The following ZBTB46 variants were observed in gnomAD, a reference collection of about 807,000 sequenced individuals.
ZBTB46 encodes the protein zinc finger and BTB domain containing 46.
A neutral mutation model predicts 44.1 loss-of-function variants in ZBTB46; 8 were observed. That is an observed-to-expected ratio of 0.18 (90% confidence interval 0.11 to 0.33). The LOEUF (loss-of-function observed/expected upper bound fraction) is 0.33, where lower values mean the gene tolerates loss of function less well. ZBTB46 is among the 10% of genes least tolerant of loss of function. The pLI, the probability that ZBTB46 is intolerant of heterozygous loss-of-function variation, is 1.00. For synonymous variants in ZBTB46, 409 were observed against 382.3 expected (o/e 1.07, Z -0.81); for missense variants, 651 against 847.7 (o/e 0.77, Z 2.88).
At chr20:63,789,451 G>A (rs1475560684) in intron 2 of ZBTB46, among the ~76,000 whole-genome samples, 1 of 152,224 alleles carries the variant, frequency 6.6e-6, no homozygotes, top group African/African-American at 2.4e-5. Context: ...CCACAGGCCA[G>A]GGGAAGCCGA....
intron 1 of ZBTB46, among the ~76,000 whole-genome samples, chr20:63,817,830 G>C (rs1278690766): frequency 6.6e-6 from 1 of 152,160 alleles, no homozygotes; most frequent in Non-Finnish European, 1.5e-5. Flanking sequence ...TAAGCCAAGA[G>C]GCACCAGGGA....
intron 4 of ZBTB46, among the ~76,000 whole-genome samples, chr20:63,751,450 G>A (rs1256710570): frequency 6.6e-6 from 1 of 152,102 alleles, no homozygotes; most frequent in Non-Finnish European, 1.5e-5. Flanking sequence ...GTGGCCCTTC[G>A]CCCACAGCCG....
chr20:63,780,574 G>A (rs575078753), intron 2 of ZBTB46, among the ~76,000 whole-genome samples: 3 of 151,956 alleles, frequency 2.0e-5, no homozygotes, highest in East Asian at 1.9e-4. Flanking sequence ...AGGCTGAGGC[G>A]GGCGGATCAC....
chr20:63,805,129 C>G (rs2092673286), intron 1 of ZBTB46, among the ~76,000 whole-genome samples: 1 of 151,924 alleles, frequency 6.6e-6, no homozygotes, highest in South Asian at 2.1e-4. Context: ...CCACGTTGGC[C>G]AGGATGGTCT....
intron 1 of ZBTB46, among the ~76,000 whole-genome samples, chr20:63,811,105 G>T (rs1307335638): frequency 2.0e-5 from 3 of 152,004 alleles, no homozygotes; most frequent in Middle Eastern, 3.2e-3. Context: ...AACCCCACAG[G>T]ATGGGCATGA....
At chr20:63,784,554 T>C (rs1477297738) in intron 2 of ZBTB46, among the ~76,000 whole-genome samples, 1 of 152,180 alleles carries the variant, frequency 6.6e-6, no homozygotes, top group Non-Finnish European at 1.5e-5. Flanking sequence ...TCTCATGCAG[T>C]AGCTACACAT....
At chr20:63,754,183 T>C (rs1194599108) in intron 3 of ZBTB46, among the ~76,000 whole-genome samples, 1 of 152,172 alleles carries the variant, frequency 6.6e-6, no homozygotes, top group Non-Finnish European at 1.5e-5. Flanking sequence ...CGGACGCATG[T>C]CCCCGCCGCA....
At chr20:63,784,670 G>A (rs543621290) in intron 2 of ZBTB46, among the ~76,000 whole-genome samples, 1 of 152,222 alleles carries the variant, frequency 6.6e-6, no homozygotes, top group African/African-American at 2.4e-5. Context: ...CTGCCTGCCT[G>A]CCCCATAGCT....
rs542599767 is a variant in ZBTB46, at chr20:63,809,412, G to A, written c.-33-18622C>T. Among the ~76,000 whole-genome samples, 12 of 152,314 alleles carry A rather than the reference G, an allele frequency of 7.9e-5. No individual in the cohort carries two copies. The East Asian group carries it at 2.3e-3, about 29-fold the overall frequency. ...AGGGAGCAACAAAGGCCACCCCTGGGTCCAGGCCTCAGGAGCTCACAGGAG... is the reference window on the plus strand; with the variant it reads ...AGGGAGCAACAAAGGCCACCCCTGGATCCAGGCCTCAGGAGCTCACAGGAG... On this transcript the variant is annotated intron_variant, in intron 1 of 4. Transcript: ENST00000245663.
At chr20:63,777,142 C>T (rs904168696) in intron 2 of ZBTB46, among the ~76,000 whole-genome samples, 1 of 150,160 alleles carries the variant, frequency 6.7e-6, no homozygotes, top group Non-Finnish European at 1.5e-5. Flanking sequence ...TTCCAGCACA[C>T]GCCACGGTTC....
rs1369608388 is a variant in ZBTB46, at chr20:63,787,876, G to C, written c.937+1945C>G. ...TCTCAGCGACGGAGAGGAGGGACCA[G>C]GGTCAGGAGAAGAGGCCACACCCGC... On this transcript the variant is annotated intron_variant, in intron 2 of 4. Coordinates refer to ENST00000245663, the MANE Select transcript of ZBTB46 (RefSeq NM_001369741.1). The surrounding 1 kb of genome is among the most constrained non-coding windows in gnomAD (Gnocchi z 4.6). The C allele has an allele frequency of 1.3e-5, 2 of 152,270 alleles. No individual in the cohort carries two copies. The highest frequency in any genetic ancestry group is 2.9e-5 in the Non-Finnish European group (2 of 68,064). 9.4% of individuals were successfully genotyped at this position (152,270 alleles called of 1,614,324 possible).
At chr20:63,771,651 T>C (rs2092374957) in intron 3 of ZBTB46, among the ~76,000 whole-genome samples, 1 of 151,678 alleles carries the variant, frequency 6.6e-6, no homozygotes, top group Non-Finnish European at 1.5e-5. Context: ...CCGAGGCGCC[T>C]CGGCTAAGGC....
intron 3 of ZBTB46, among the ~76,000 whole-genome samples, chr20:63,756,023 G>A (rs560614668): frequency 4.6e-5 from 7 of 152,322 alleles, no homozygotes; most frequent in East Asian, 1.9e-4. Context: ...ATCCGGCTGC[G>A]ACTGTACAGA....
At chr20:63,782,613 G>A (rs1340331276) in intron 2 of ZBTB46, among the ~76,000 whole-genome samples, 3 of 152,178 alleles carry the variant, frequency 2.0e-5, no homozygotes, top group African/African-American at 7.2e-5. Context: ...GAGCCTCACA[G>A]CCCTGAGCCT....
intron 1 of ZBTB46, among the ~76,000 whole-genome samples, chr20:63,821,839 A>G (rs2092794054): frequency 6.6e-6 from 1 of 152,120 alleles, no homozygotes; most frequent in Non-Finnish European, 1.5e-5. Context: ...TTGGAAAAAA[A>G]CAACAGCCAC....
intron 1 of ZBTB46, among the ~76,000 whole-genome samples, chr20:63,828,213 C>G (rs745831176): frequency 6.6e-6 from 1 of 152,252 alleles, no homozygotes. Context: ...GTGAGGCACT[C>G]AAAGGGTCTA....
chr20:63,763,035 A>G (rs6089771), intron 3 of ZBTB46, among the ~76,000 whole-genome samples: 74,559 of 151,826 alleles, frequency 0.49, 18,918 homozygotes, highest in Middle Eastern at 0.6. Flanking sequence ...TAATTATTTA[A>G]TTCTTTTAGA....
intron 1 of ZBTB46, among the ~76,000 whole-genome samples, chr20:63,808,474 C>T (rs934955305): frequency 6.6e-6 from 1 of 152,134 alleles, no homozygotes; most frequent in East Asian, 1.9e-4. Flanking sequence ...CAGCCCCGGG[C>T]CCGGCGGGAG....
rs761613659 is a variant in ZBTB46 at position 63,790,119 on chromosome 20, T to A, written c.639A>T (p.Ser213=). ...CCACGTCTCCAGGCCATAGAGGCTG[T>A]GAAGAAACATCATCAGGGCCATCGG... is the stretch of plus-strand genomic sequence containing the variant. ...PKADGPDDVS[S]QPLWPGDVGY... The change falls in exon 2 of 5, where the codon TCA becomes TCT. Residue 213 remains serine (S), a synonymous_variant. Coordinates refer to ENST00000245663, the MANE Select transcript of ZBTB46 (RefSeq NM_001369741.1). 2 of 1,613,868 alleles carry A rather than the reference T, an allele frequency of 1.2e-6. No individual in the cohort carries two copies. Among genetic ancestry groups the A allele is most frequent in the African/African-American group, 2.7e-5 (2 of 74,928 alleles).
Sources: allele counts gnomAD v4.1 joint callset (sites outside exome capture counted in the v4.1 genomes callset), GRCh38; gene constraint gnomAD v4.1.1; non-coding constraint Gnocchi (gnomAD v3.1); transcripts MANE v1.5; gene names NCBI Gene and HGNC (gene_info 2026-07-23, HGNC 2026-07-21).